The following CHCHD6 variants were observed in gnomAD, a reference collection of about 807,000 sequenced individuals.
CHCHD6 encodes the protein MICOS complex subunit MIC25.
In CHCHD6, 28 loss-of-function variants were observed where a neutral mutation model predicts 32.3. The observed-to-expected ratio is 0.87, with a 90% CI of 0.64 to 1.19. The LOEUF (loss-of-function observed/expected upper bound fraction) is 1.19, where lower values mean the gene tolerates loss of function less well. Ranked by LOEUF, CHCHD6 falls within the 50% of genes most tolerant of loss-of-function variation. The pLI, the probability that CHCHD6 is intolerant of heterozygous loss-of-function variation, is 0.00. For synonymous variants in CHCHD6, 122 were observed against 117.5 expected (o/e 1.04, Z -0.25); for missense variants, 333 against 307.0 (o/e 1.08, Z -0.63).
intron 4 of CHCHD6, among the ~76,000 whole-genome samples, chr3:126,747,508 G>T (rs1936554077): frequency 6.6e-6 from 1 of 152,176 alleles, no homozygotes; most frequent in African/African-American, 2.4e-5. Context: ...TGAGGCTAAA[G>T]GTGAAAAGCA....
At chr3:126,945,006 A>T (rs2078614795) in intron 6 of CHCHD6, among the ~76,000 whole-genome samples, 1 of 152,108 alleles carries the variant, frequency 6.6e-6, no homozygotes, top group Non-Finnish European at 1.5e-5. Context: ...TCACCATGGG[A>T]TGGGCACTTA....
At chr3:126,707,261 T>TA (rs74269416) in intron 1 of CHCHD6, among the ~76,000 whole-genome samples, 15,338 of 135,302 alleles carry the variant, frequency 0.11, 883 homozygotes, top group African/African-American at 0.15. Context: ...GACTCCGTCT[T>TA]AAAAAAAAAA....
intron 4 of CHCHD6, among the ~76,000 whole-genome samples, chr3:126,817,919 A>G (rs1296619574): frequency 6.6e-6 from 1 of 152,128 alleles, no homozygotes; most frequent in Admixed American, 6.6e-5. Flanking sequence ...TGGGGGCTAT[A>G]GAGTGTGCTG....
intron 6 of CHCHD6, among the ~76,000 whole-genome samples, chr3:126,932,981 G>A (rs575109610): frequency 6.6e-6 from 1 of 152,268 alleles, no homozygotes; most frequent in East Asian, 1.9e-4. Flanking sequence ...GTGGGGTGAG[G>A]CTCTGGGTGA....
At chr3:126,939,558 A>G (rs1391334242) in intron 6 of CHCHD6, among the ~76,000 whole-genome samples, 2 of 152,242 alleles carry the variant, frequency 1.3e-5, no homozygotes, top group Non-Finnish European at 2.9e-5. Flanking sequence ...GCAGCAAAGA[A>G]GAATGCCTGT....
intron 6 of CHCHD6, among the ~76,000 whole-genome samples, chr3:126,955,085 C>T (rs1486654156): frequency 6.6e-6 from 1 of 152,236 alleles, no homozygotes; most frequent in Non-Finnish European, 1.5e-5. Context: ...CTGAGAACAC[C>T]TGCCTGAGAC....
rs530459883 is a variant in CHCHD6 at position 126,707,951 on chromosome 3, C to G, written c.87+3552C>G. The stretch of plus-strand genomic sequence containing the variant: ...GACAATGAGGGACAAAGCCGAGGAC[C>G]CTGTCATCATAGAGACCTCAGCCCA... On this transcript the variant is annotated intron_variant, in intron 1 of 7. Transcript: ENST00000290913. Among the ~76,000 whole-genome samples the G allele has an allele frequency of 2.6e-5, 4 of 152,318 alleles. No homozygotes were observed. The South Asian group carries it at 6.2e-4, about 24-fold the overall frequency.
chr3:126,832,230 A>G (rs1371606654), intron 4 of CHCHD6, among the ~76,000 whole-genome samples: 1 of 152,206 alleles, frequency 6.6e-6, no homozygotes, highest in Non-Finnish European at 1.5e-5. Context: ...GTAAGTATCT[A>G]ATGGAATAGT....
intron 5 of CHCHD6, among the ~76,000 whole-genome samples, chr3:126,859,525 A>T (rs1019958711): frequency 6.6e-6 from 1 of 152,184 alleles, no homozygotes; most frequent in Non-Finnish European, 1.5e-5. Context: ...TCAGACAGGG[A>T]GTTCTGTGTC....
Position 126,960,350 on chromosome 3 carries a change from A to C in CHCHD6, c.*149A>C. 1 of 842,196 alleles carries C rather than the reference A, an allele frequency of 1.2e-6. No homozygotes were observed. Among genetic ancestry groups the C allele is most frequent in the Non-Finnish European group, 1.9e-6 (1 of 521,970 alleles). 52.2% of individuals were successfully genotyped at this position (842,196 alleles called of 1,614,324 possible). ...GGGCTGCCACGTGTTTAGGAAACAAAGTATGCGCTACTGTCTGAAAACAAA... is the reference window on the plus strand; with the variant it reads ...GGGCTGCCACGTGTTTAGGAAACAACGTATGCGCTACTGTCTGAAAACAAA... On this transcript the variant is annotated 3_prime_UTR_variant, in exon 8 of 8. Transcript: ENST00000290913.
At chr3:126,786,232 G>T in intron 4 of CHCHD6, among the ~76,000 whole-genome samples, 1 of 152,140 alleles carries the variant, frequency 6.6e-6, no homozygotes, top group Non-Finnish European at 1.5e-5. Flanking sequence ...TATCATTGTT[G>T]GACATTTGAG....
At chr3:126,864,538 C>T (rs1374927387) in intron 5 of CHCHD6, among the ~76,000 whole-genome samples, 5 of 150,742 alleles carry the variant, frequency 3.3e-5, no homozygotes, top group African/African-American at 9.8e-5. Flanking sequence ...CCTCCTCCTC[C>T]TTCTCCACCT....
rs769256372 is a variant in CHCHD6 at position 126,773,602 on chromosome 3, C to CTT, written c.411+40403_411+40404dup. On this transcript the variant is annotated intron_variant, in intron 4 of 7. Coordinates refer to ENST00000290913, the MANE Select transcript of CHCHD6 (RefSeq NM_032343.3). ...GTTGGTTCTGACAGTTTCTGCTTTT[C>CTT]TTTTTTTTTTTTTTTTTTTTTTTTG... 9.5e-3 allele frequency among the ~76,000 whole-genome samples: 851 copies of CTT among 89,832 alleles called. 1 individual carries two copies. The highest frequency in any genetic ancestry group is 0.012 in the Non-Finnish European group (577 of 46,946). The allele number at this position is 89,832 out of a possible 152,430, so 58.9% of individuals were successfully genotyped here. A position where few individuals can be genotyped will look rare whatever the true frequency, so the allele number is the denominator to read the frequency against.
intron 6 of CHCHD6, among the ~76,000 whole-genome samples, chr3:126,944,410 T>C (rs1181698464): frequency 6.6e-6 from 1 of 152,252 alleles, no homozygotes; most frequent in Non-Finnish European, 1.5e-5. Context: ...ATTTATAGAA[T>C]ATCTGCTTCC....
At chr3:126,713,653 CT>C (rs945032264) in intron 1 of CHCHD6, among the ~76,000 whole-genome samples, 2 of 152,148 alleles carry the variant, frequency 1.3e-5, no homozygotes, top group African/African-American at 4.8e-5. Context: ...CTATTCCACA[CT>C]TACTTCCTTT....
intron 4 of CHCHD6, among the ~76,000 whole-genome samples, chr3:126,842,536 G>A (rs1318642579): frequency 6.6e-6 from 1 of 152,166 alleles, no homozygotes; most frequent in Non-Finnish European, 1.5e-5. Context: ...TGTCTTCGTA[G>A]TCCTGCTCTT....
At chr3:126,932,793 G>T (rs966751912) in intron 6 of CHCHD6, among the ~76,000 whole-genome samples, 2 of 152,220 alleles carry the variant, frequency 1.3e-5, no homozygotes, top group African/African-American at 2.4e-5. Context: ...CTCAGTGCAC[G>T]GGCGCAAGAA....
At chr3:126,756,133 C>A (rs1034469004) in intron 4 of CHCHD6, among the ~76,000 whole-genome samples, 1 of 151,990 alleles carries the variant, frequency 6.6e-6, no homozygotes, top group African/African-American at 2.4e-5. Flanking sequence ...AACACAGGAC[C>A]GAGTTTCCCA....
chr3:126,704,729 T>C (rs1934392059), intron 1 of CHCHD6, among the ~76,000 whole-genome samples: 1 of 152,098 alleles, frequency 6.6e-6, no homozygotes, highest in African/African-American at 2.4e-5. Flanking sequence ...TCCCAGCCCG[T>C]GGCCCCTCAG....
Sources: allele counts gnomAD v4.1 joint callset (sites outside exome capture counted in the v4.1 genomes callset), GRCh38; gene constraint gnomAD v4.1.1; transcripts MANE v1.5; gene names NCBI Gene and HGNC (gene_info 2026-07-23, HGNC 2026-07-21).